DLG2: variants seen among roughly 807,000 people sequenced by gnomAD.
DLG2 encodes discs large MAGUK scaffold protein 2.
Under a neutral mutation model 132.5 loss-of-function variants are expected in DLG2, and 45 were observed. That is an observed-to-expected ratio of 0.34 (90% CI 0.27 to 0.44). The LOEUF is 0.44. Among genes scored for constraint, DLG2 ranks in the 20% least tolerant of loss-of-function variants. The pLI, the probability that DLG2 is intolerant of heterozygous loss-of-function variation, is 1.00. For synonymous variants in DLG2, 424 were observed against 419.6 expected (o/e 1.01, Z -0.13); for missense variants, 1,045 against 1,196.9 (o/e 0.87, Z 1.87).
intron 6 of DLG2, among the ~76,000 whole-genome samples, chr11:85,062,598 G>C (rs566230767): frequency 1.7e-3 from 261 of 151,034 alleles, no homozygotes; most frequent in African/African-American, 6.1e-3. Flanking sequence ...CAGCTTGTTA[G>C]GGCAAAGAAA....
chr11:83,768,131 T>C (rs2094220117), intron 18 of DLG2, among the ~76,000 whole-genome samples: 1 of 152,200 alleles, frequency 6.6e-6, no homozygotes, highest in Admixed American at 6.5e-5. Flanking sequence ...TTCTTAGCCT[T>C]TTTCTTTTCT....
chr11:85,246,963 T>C (rs1328380827), intron 4 of DLG2, among the ~76,000 whole-genome samples: 1 of 152,150 alleles, frequency 6.6e-6, no homozygotes, highest in African/African-American at 2.4e-5. Flanking sequence ...GAACCTCTTC[T>C]GAACATATAC....
chr11:83,725,019 G>C, intron 18 of DLG2: 2 of 655,222 alleles, frequency 3.1e-6, no homozygotes, highest in Non-Finnish European at 2.8e-6. Context: ...CCTGTTAGGA[G>C]TGAAGCAGGT....
intron 6 of DLG2, among the ~76,000 whole-genome samples, chr11:84,846,545 A>G (rs2081500939): frequency 6.6e-6 from 1 of 152,114 alleles, no homozygotes; most frequent in Non-Finnish European, 1.5e-5. Context: ...GTGATACATC[A>G]AAAATGTCAC....
At chr11:83,770,058 A>AT (rs1392482843) in intron 18 of DLG2, among the ~76,000 whole-genome samples, 3 of 152,116 alleles carry the variant, frequency 2.0e-5, no homozygotes, top group African/African-American at 7.2e-5. Flanking sequence ...AAACCTCTTA[A>AT]TAATGTCATA....
At chr11:84,835,741 T>G (rs1335188207) in intron 6 of DLG2, among the ~76,000 whole-genome samples, 2 of 151,730 alleles carry the variant, frequency 1.3e-5, no homozygotes, top group Non-Finnish European at 2.9e-5. Flanking sequence ...TACATCATAG[T>G]CATTTATTTA....
intron 6 of DLG2, among the ~76,000 whole-genome samples, chr11:84,833,738 A>G (rs1188145037): frequency 1.3e-5 from 2 of 151,670 alleles, no homozygotes; most frequent in African/African-American, 2.4e-5. Flanking sequence ...TTAAATCCAG[A>G]AGCCACAAAC....
At chr11:84,946,594 C>G in intron 6 of DLG2, among the ~76,000 whole-genome samples, 1 of 151,980 alleles carries the variant, frequency 6.6e-6, no homozygotes, top group East Asian at 1.9e-4. Context: ...ACTTACAAGA[C>G]AAAGTCCTCT....
At chr11:83,645,984 T>C (rs2068043610) in intron 18 of DLG2, 1 of 152,148 alleles carries the variant, frequency 6.6e-6, no homozygotes, top group Non-Finnish European at 1.5e-5. Context: ...ATTTTCCTAT[T>C]TATTTTAACC....
At chr11:84,042,321 T>G (rs1540188) in intron 11 of DLG2, among the ~76,000 whole-genome samples, 1 of 151,618 alleles carries the variant, frequency 6.6e-6, no homozygotes, top group Non-Finnish European at 1.5e-5. Flanking sequence ...GTTATTAAAA[T>G]TTTGTATGAT....
intron 8 of DLG2, among the ~76,000 whole-genome samples, chr11:84,174,526 T>C (rs2095902857): frequency 6.6e-6 from 1 of 152,218 alleles, no homozygotes; most frequent in African/African-American, 2.4e-5. Flanking sequence ...TAATGCCACA[T>C]ACGCTGCCTT....
chr11:84,386,578 A>C (rs2098771224), intron 7 of DLG2, among the ~76,000 whole-genome samples: 1 of 152,106 alleles, frequency 6.6e-6, no homozygotes, highest in African/African-American at 2.4e-5. Flanking sequence ...AATATTTTCT[A>C]CATTTTGTTA....
At chr11:83,505,849 C>T (rs1179201229) in intron 21 of DLG2, among the ~76,000 whole-genome samples, 1 of 152,136 alleles carries the variant, frequency 6.6e-6, no homozygotes, top group East Asian at 1.9e-4. Context: ...ATCTGGATAT[C>T]GTGCAGAATC....
intron 6 of DLG2, chr11:84,997,343 A>G (rs1361025307): frequency 6.6e-6 from 1 of 152,168 alleles, no homozygotes; most frequent in Non-Finnish European, 1.5e-5. Context: ...GGCACACAAA[A>G]GTGCCAACCT....
At chr11:83,842,386 G>C (rs1051465397) in intron 16 of DLG2, among the ~76,000 whole-genome samples, 6 of 152,126 alleles carry the variant, frequency 3.9e-5, no homozygotes, top group Admixed American at 3.9e-4. Flanking sequence ...ATGAGGTCAA[G>C]AGATTGAGAC....
At chr11:85,123,030 T>C (rs2074609663) in intron 5 of DLG2, among the ~76,000 whole-genome samples, 1 of 128,290 alleles carries the variant, frequency 7.8e-6, no homozygotes, top group Admixed American at 9.0e-5. Flanking sequence ...CAAGCTGGAG[T>C]GCCATGGTGC....
intron 3 of DLG2, among the ~76,000 whole-genome samples, chr11:85,340,567 A>T (rs2082418228): frequency 6.6e-6 from 1 of 152,232 alleles, no homozygotes; most frequent in African/African-American, 2.4e-5. Flanking sequence ...GCAGTAAACC[A>T]ACATGGCACA....
intron 3 of DLG2, among the ~76,000 whole-genome samples, chr11:85,481,703 C>G (rs1327803089): frequency 6.6e-6 from 1 of 152,122 alleles, no homozygotes; most frequent in Admixed American, 6.5e-5. Flanking sequence ...GTAGACTGCC[C>G]CCAGCATCAG....
intron 10 of DLG2, among the ~76,000 whole-genome samples, chr11:84,063,938 G>A (rs1488564084): frequency 6.9e-6 from 1 of 145,086 alleles, no homozygotes; most frequent in Non-Finnish European, 1.5e-5. Flanking sequence ...ACAGGAAGGG[G>A]AACATCATAC....
Sources: allele counts gnomAD v4.1 joint callset (sites outside exome capture counted in the v4.1 genomes callset), GRCh38; gene constraint gnomAD v4.1.1; transcripts MANE v1.5; gene names NCBI Gene and HGNC (gene_info 2026-07-23, HGNC 2026-07-21).